SLFN12L: variants seen among roughly 807,000 people sequenced by gnomAD.
SLFN12L encodes the protein schlafen family member 12-like.
In SLFN12L, 34 loss-of-function variants were observed where a neutral mutation model predicts 34.8. The ratio of observed to expected loss-of-function variants is 0.98; its 90% CI spans 0.74 to 1.30. SLFN12L has a LOEUF of 1.30. Ranked by LOEUF, SLFN12L falls within the 50% of genes most tolerant of loss-of-function variation. The probability of loss-of-function intolerance (pLI) is 0.00; values close to 1 mark genes in which losing one functional copy is unlikely to be tolerated. For synonymous variants in SLFN12L, 259 were observed against 247.5 expected, an observed-to-expected ratio of 1.05 and a Z score of -0.44; for missense variants, 703 against 696.2, an observed-to-expected ratio of 1.01 and a Z score of -0.11.
At chr17:35,535,370 T>A in intron 1 of SLFN12L, among the ~76,000 whole-genome samples, 1 of 151,520 alleles carries the variant, frequency 6.6e-6, no homozygotes, top group East Asian at 1.9e-4. Flanking sequence ...TTTTTTTTTT[T>A]ATTTTTAGTA....
chr17:35,471,685 A>G lies in SLFN12L; in HGVS notation c.*3238T>C, dbSNP rs1015240155. Reference sequence around the variant, plus strand: ...ATAAAAGATTATTTAAAAGTTTTAAATATTCTTTTAATAAAAGATTATTTA... The same window carrying G: ...ATAAAAGATTATTTAAAAGTTTTAAGTATTCTTTTAATAAAAGATTATTTA... On this transcript the variant is annotated 3_prime_UTR_variant, in exon 5 of 5. Coordinates refer to ENST00000628453, the MANE Select transcript of SLFN12L (RefSeq NM_001363830.2). Among the ~76,000 whole-genome samples the G allele has an allele frequency of 4.9e-4, 11 of 22,330 alleles. No individual in the cohort carries two copies. Among genetic ancestry groups the G allele is most frequent in the African/African-American group, 4.4e-3 (10 of 2,272 alleles). The allele number at this position is 22,330 out of a possible 152,430, so 14.6% of individuals were successfully genotyped here.
intron 2 of SLFN12L, chr17:35,499,235 C>T (rs1915205863): frequency 1.1e-6 from 1 of 891,450 alleles, no homozygotes; most frequent in East Asian, 4.4e-5. Context: ...TTAGAATGTC[C>T]TTACCAAACA....
chr17:35,504,673 G>T (rs1430612277), intron 2 of SLFN12L, among the ~76,000 whole-genome samples: 1 of 152,084 alleles, frequency 6.6e-6, no homozygotes, highest in East Asian at 1.9e-4. Context: ...ATATCCCAAA[G>T]TCCAGCACCC....
chr17:35,480,207 A>G lies in SLFN12L; in HGVS notation c.87-12T>C, dbSNP rs1278215952. On this transcript the variant is annotated splice_polypyrimidine_tract_variant and intron_variant, in intron 2 of 4. Coordinates refer to ENST00000628453, the MANE Select transcript of SLFN12L (RefSeq NM_001363830.2). ...GCAGAAATTCTTTTCTGTAAAATAG[A>G]GCCGTTAGAATAGGAGTTAAGCCTG... 8.4e-6 allele frequency: 13 copies of G among 1,545,046 alleles called. No homozygotes were observed. In the East Asian group the frequency reaches 3.0e-4, roughly 36 times the overall value.
Position 35,479,074 on chromosome 17 carries a change from C to T in SLFN12L, c.1165+43G>A, listed in dbSNP as rs1914163709. On this transcript the variant is annotated intron_variant, in intron 3 of 4. Coordinates refer to ENST00000628453, the MANE Select transcript of SLFN12L (RefSeq NM_001363830.2). ...AAGATACAATAAAACCTTCCTGCCA[C>T]CCAAGCCAAAGGTATCCTTATTGCC... is the stretch of plus-strand genomic sequence containing the variant. The T allele has an allele frequency of 2.8e-6, 4 of 1,437,724 alleles. No homozygotes were observed. In the South Asian group the frequency reaches 4.2e-5, roughly 15 times the overall value. The allele number at this position is 1,437,724 out of a possible 1,614,324, so 89.1% of individuals were successfully genotyped here.
At chr17:35,481,289 C>T (rs1914327101) in intron 2 of SLFN12L, among the ~76,000 whole-genome samples, 1 of 152,220 alleles carries the variant, frequency 6.6e-6, no homozygotes, top group Non-Finnish European at 1.5e-5. Flanking sequence ...CTCTGCTCCA[C>T]CACCTCTTGT....
intron 2 of SLFN12L, among the ~76,000 whole-genome samples, chr17:35,481,800 G>T (rs1384337210): frequency 6.6e-6 from 1 of 152,184 alleles, no homozygotes; most frequent in Non-Finnish European, 1.5e-5. Flanking sequence ...AGACCCTGTA[G>T]GGCTGGACCC....
chr17:35,490,020 C>A, intron 2 of SLFN12L: 1 of 1,598,628 alleles, frequency 6.3e-7, no homozygotes, highest in Non-Finnish European at 8.5e-7. Context: ...CAGATCCTCA[C>A]CACGAACACT....
In SLFN12L at chr17:35,537,674, G is replaced by C. The variant is rs1440206587; in HGVS notation, c.-707C>G. The C allele has an allele frequency of 6.6e-6, 1 of 152,266 alleles. No homozygotes were observed. Among genetic ancestry groups the C allele is most frequent in the Non-Finnish European group, 1.5e-5 (1 of 68,060 alleles). The allele number at this position is 152,266 out of a possible 1,614,324, so 9.4% of individuals were successfully genotyped here. ...AGTCCCTGCAGTTTGGCTGAGGACAGTGGTAATCCTCAAAGGCTAGAAATG... is the reference window on the plus strand; with the variant it reads ...AGTCCCTGCAGTTTGGCTGAGGACACTGGTAATCCTCAAAGGCTAGAAATG... On this transcript the variant is annotated 5_prime_UTR_variant, in exon 1 of 5. Coordinates refer to ENST00000628453, the MANE Select transcript of SLFN12L (RefSeq NM_001363830.2).
At chr17:35,493,092 G>A (rs1914904955) in intron 2 of SLFN12L, among the ~76,000 whole-genome samples, 1 of 152,162 alleles carries the variant, frequency 6.6e-6, no homozygotes. Context: ...AATTCTTTGT[G>A]TGGGTATGCG....
chr17:35,467,792 G>A lies in SLFN12L; in HGVS notation c.*7131C>T, dbSNP rs1410056307. On this transcript the variant is annotated 3_prime_UTR_variant, in exon 5 of 5. Transcript: ENST00000628453. Reference sequence around the variant, plus strand: ...TGCTTATCTGATATGGGACCCGTTTGAGCCTAAACTTCAACCATGAAGCAA... The same window carrying A: ...TGCTTATCTGATATGGGACCCGTTTAAGCCTAAACTTCAACCATGAAGCAA... Among the ~76,000 whole-genome samples the A allele has an allele frequency of 1.3e-5, 2 of 152,170 alleles. No homozygotes were observed. Among genetic ancestry groups the A allele is most frequent in the Admixed American group, 1.3e-4 (2 of 15,284 alleles).
In SLFN12L at chr17:35,474,013, C is replaced by G. The variant is rs2889273; in HGVS notation, c.*910G>C. On this transcript the variant is annotated 3_prime_UTR_variant, in exon 5 of 5. Coordinates refer to ENST00000628453, the MANE Select transcript of SLFN12L (RefSeq NM_001363830.2). ...GGCTCACTGTAACCTCCACTTCCTG[C>G]GTTCAAGCAATTCTCATGCCTCAGC... 0.64 allele frequency: 96,630 copies of G among 152,102 alleles called. 31,361 individuals are homozygous for G. Among genetic ancestry groups the G allele is most frequent in the African/African-American group, 0.78 (32,400 of 41,494 alleles). 9.4% of individuals were successfully genotyped at this position (152,102 alleles called of 1,614,324 possible).
chr17:35,524,691 C>G (rs933059103), intron 1 of SLFN12L, among the ~76,000 whole-genome samples: 4 of 152,000 alleles, frequency 2.6e-5, no homozygotes, highest in African/African-American at 7.2e-5. Context: ...ACTCAGAGAC[C>G]CCATCTGAAG....
chr17:35,490,067 G>GC lies in SLFN12L; in HGVS notation c.87-9873dup. On this transcript the variant is annotated intron_variant, in intron 2 of 4. Coordinates refer to ENST00000628453, the MANE Select transcript of SLFN12L (RefSeq NM_001363830.2). ...CTGTTCCCTCTCCCTCCAAAGCGGC[G>GC]CCGTAGCCACCGGCCCCCTCCTCCC... 11 of 1,606,388 alleles carry GC rather than the reference G, an allele frequency of 6.8e-6. No individual in the cohort carries two copies. In the South Asian group the frequency reaches 1.2e-4, roughly 18 times the overall value.
At chr17:35,523,063 T>A (rs1300822689) in intron 1 of SLFN12L, 94 bp from the exon 2 acceptor site, 3 of 294,664 alleles carry the variant, frequency 1.0e-5, no homozygotes, top group Non-Finnish European at 1.9e-5. Flanking sequence ...TATTTGATTA[T>A]TAATTACAGA....
In SLFN12L at chr17:35,470,127, A is replaced by G. The variant is rs1432543370; in HGVS notation, c.*4796T>C. ...CAAAACTTCAAGAGTACATTTTCAT[A>G]TAATATTTTATCAGGCATCTGAAGG... On this transcript the variant is annotated 3_prime_UTR_variant, in exon 5 of 5. Transcript: ENST00000628453. 2 of 152,268 alleles carry G rather than the reference A, an allele frequency of 1.3e-5. No homozygotes were observed. The highest frequency in any genetic ancestry group is 4.8e-5 in the African/African-American group (2 of 41,444). 9.4% of individuals were successfully genotyped at this position (152,268 alleles called of 1,614,324 possible).
At chr17:35,503,249 T>G (rs1458676903) in intron 2 of SLFN12L, among the ~76,000 whole-genome samples, 1 of 152,240 alleles carries the variant, frequency 6.6e-6, no homozygotes, top group African/African-American at 2.4e-5. Flanking sequence ...AAATTCTGTG[T>G]GTAAATATAT....
intron 1 of SLFN12L, among the ~76,000 whole-genome samples, chr17:35,529,199 A>G (rs975108070): frequency 6.6e-5 from 10 of 152,166 alleles, no homozygotes; most frequent in African/African-American, 2.2e-4. Context: ...GAAACAACAG[A>G]TGCTGGAGAG....
intron 1 of SLFN12L, among the ~76,000 whole-genome samples, chr17:35,530,514 AAAGAAAAG>A (rs1218111058): frequency 3.5e-5 from 1 of 28,842 alleles, no homozygotes; most frequent in African/African-American, 1.2e-4. Context: ...GAAAGAAAGA[AAAGAAAAG>A]AAAAGAAAAG....
Sources: allele counts gnomAD v4.1 joint callset (sites outside exome capture counted in the v4.1 genomes callset), GRCh38; gene constraint gnomAD v4.1.1; transcripts MANE v1.5; gene names NCBI Gene and HGNC (gene_info 2026-07-23, HGNC 2026-07-21).